LRP12: variants seen among roughly 807,000 people sequenced by gnomAD.
LRP12 encodes low-density lipoprotein receptor-related protein 12.
In LRP12, 14 loss-of-function variants were observed where a neutral mutation model predicts 66.0. That is an observed-to-expected ratio of 0.21 (90% CI 0.14 to 0.33). The LOEUF (loss-of-function observed/expected upper bound fraction) is 0.33, where lower values mean the gene tolerates loss of function less well. LRP12 is among the 10% of genes least tolerant of loss of function. The probability of loss-of-function intolerance (pLI) is 1.00; values close to 1 mark genes in which losing one functional copy is unlikely to be tolerated. For synonymous variants in LRP12, 357 were observed against 359.1 expected (o/e 0.99, Z 0.07); for missense variants, 889 against 1,053.4 (o/e 0.84, Z 2.16).
At chr8:104,545,939 A>T (rs570373620) in intron 1 of LRP12, among the ~76,000 whole-genome samples, 1 of 152,340 alleles carries the variant, frequency 6.6e-6, no homozygotes, top group Non-Finnish European at 1.5e-5. Flanking sequence ...ACACTTCTGC[A>T]AAGTAACTAA....
In LRP12 at chr8:104,588,918, G is replaced by C. The variant is rs746067166; in HGVS notation, c.-21C>G. 6.3e-6 allele frequency: 10 copies of C among 1,579,906 alleles called. No individual in the cohort carries two copies. The highest frequency in any genetic ancestry group is 8.6e-6 in the Non-Finnish European group (10 of 1,159,608). On this transcript the variant is annotated 5_prime_UTR_variant, in exon 1 of 7. Coordinates refer to ENST00000276654, the MANE Select transcript of LRP12 (RefSeq NM_013437.5). ...GCCATAACCACAGCAGATGGAGAGAGAGAGGAGGAGACGGAGGAGGAGGGA... is the reference window on the plus strand; with the variant it reads ...GCCATAACCACAGCAGATGGAGAGACAGAGGAGGAGACGGAGGAGGAGGGA...
At chr8:104,538,890 T>C (rs1228951379) in intron 1 of LRP12, among the ~76,000 whole-genome samples, 1 of 152,204 alleles carries the variant, frequency 6.6e-6, no homozygotes, top group Non-Finnish European at 1.5e-5. Flanking sequence ...AAATAGCTCA[T>C]GTGGCTGACG....
chr8:104,539,527 C>A (rs1264414612), intron 1 of LRP12, among the ~76,000 whole-genome samples: 2 of 151,762 alleles, frequency 1.3e-5, no homozygotes, highest in Non-Finnish European at 1.5e-5. Context: ...GCATATTATA[C>A]AACACACAAA....
intron 1 of LRP12, among the ~76,000 whole-genome samples, chr8:104,549,946 T>C (rs1811702136): frequency 6.6e-6 from 1 of 152,196 alleles, no homozygotes; most frequent in African/African-American, 2.4e-5. Flanking sequence ...CAGGGATCTT[T>C]TGGCATATTA....
At chr8:104,558,302 C>T (rs1204530866) in intron 1 of LRP12, among the ~76,000 whole-genome samples, 1 of 151,704 alleles carries the variant, frequency 6.6e-6, no homozygotes, top group East Asian at 1.9e-4. Flanking sequence ...AAGCCCAACA[C>T]TTACAGTCAA....
intron 2 of LRP12, among the ~76,000 whole-genome samples, chr8:104,530,205 T>A (rs1319930082): frequency 6.6e-6 from 1 of 152,202 alleles, no homozygotes; most frequent in Admixed American, 6.6e-5. Flanking sequence ...TAGTAAATAT[T>A]GGTAGCTGTA....
chr8:104,543,924 A>G (rs1811515861), intron 1 of LRP12, among the ~76,000 whole-genome samples: 2 of 152,146 alleles, frequency 1.3e-5, no homozygotes, highest in Admixed American at 1.3e-4. Context: ...TCCATCTCAA[A>G]ACAAAACAAA....
chr8:104,490,568 C>G lies in LRP12; in HGVS notation c.*105G>C. The stretch of plus-strand genomic sequence containing the variant: ...TAACATATAATAATAAGAAATCACC[C>G]TGCATTTTTTCTTTTTAAACTAAAA... On this transcript the variant is annotated 3_prime_UTR_variant, in exon 7 of 7. Coordinates refer to ENST00000276654, the MANE Select transcript of LRP12 (RefSeq NM_013437.5). 1.5e-6 allele frequency: 2 copies of G among 1,297,772 alleles called. No homozygotes were observed. Among genetic ancestry groups the G allele is most frequent in the Non-Finnish European group, 2.1e-6 (2 of 943,444 alleles). The allele number at this position is 1,297,772 out of a possible 1,614,324, so 80.4% of individuals were successfully genotyped here. A position where few individuals can be genotyped will look rare whatever the true frequency, so the allele number is the denominator to read the frequency against.
rs1329894046 is a variant in LRP12 at position 104,535,918 on chromosome 8, T to C, written c.80-3955A>G. Among the ~76,000 whole-genome samples, 4 of 152,094 alleles carry C rather than the reference T, an allele frequency of 2.6e-5. No homozygotes were observed. In the East Asian group the frequency reaches 7.7e-4, roughly 29 times the overall value. On this transcript the variant is annotated intron_variant, in intron 1 of 6. Coordinates refer to ENST00000276654, the MANE Select transcript of LRP12 (RefSeq NM_013437.5). ...GAATTAAAATCTACCTGCCACAGCA[T>C]TCCAATTTGAAAGAAAAACATTGGT...
chr8:104,516,308 C>T (rs1024360072), intron 2 of LRP12, among the ~76,000 whole-genome samples: 1 of 151,558 alleles, frequency 6.6e-6, no homozygotes, highest in African/African-American at 2.4e-5. Flanking sequence ...CCCACAAAAG[C>T]CTATTTAATT....
At position 104,589,037 on chromosome 8, in the gene LRP12, G is replaced by T. The variant is rs980078349; in HGVS notation, c.-140C>A. ...CTCCCTGCGCTCTCCGCGGCTGCGGGAGGGGGAAGGGAGGGGCCGCCGCCG... is the reference window on the plus strand; with the variant it reads ...CTCCCTGCGCTCTCCGCGGCTGCGGTAGGGGGAAGGGAGGGGCCGCCGCCG... On this transcript the variant is annotated 5_prime_UTR_variant, in exon 1 of 7. Coordinates refer to ENST00000276654, the MANE Select transcript of LRP12 (RefSeq NM_013437.5). 4 of 467,586 alleles carry T rather than the reference G, an allele frequency of 8.6e-6. No individual in the cohort carries two copies. Among genetic ancestry groups the T allele is most frequent in the African/African-American group, 6.2e-5 (3 of 48,522 alleles). 29.0% of individuals were successfully genotyped at this position (467,586 alleles called of 1,614,324 possible).
At chr8:104,521,475 AAAT>A (rs1388666616) in intron 2 of LRP12, among the ~76,000 whole-genome samples, 11 of 151,430 alleles carry the variant, frequency 7.3e-5, no homozygotes, top group African/African-American at 2.2e-4. Context: ...TATAATATAG[AAAT>A]AATAATACCA....
At chr8:104,527,748 G>A (rs989020979) in intron 2 of LRP12, among the ~76,000 whole-genome samples, 17 of 151,956 alleles carry the variant, frequency 1.1e-4, no homozygotes, top group African/African-American at 4.1e-4. Flanking sequence ...CGAGTTAATG[G>A]GTGCAGCACA....
chr8:104,581,784 T>C (rs985070265), intron 1 of LRP12, among the ~76,000 whole-genome samples: 1 of 152,176 alleles, frequency 6.6e-6, no homozygotes, highest in Non-Finnish European at 1.5e-5. Context: ...AGCACAGCAG[T>C]AGACAGACAT....
intron 1 of LRP12, among the ~76,000 whole-genome samples, chr8:104,537,852 T>TA (rs1402775239): frequency 6.6e-6 from 1 of 152,162 alleles, no homozygotes; most frequent in East Asian, 1.9e-4. Flanking sequence ...TTCTGTTCTA[T>TA]AAAGTTCTAG....
intron 3 of LRP12, among the ~76,000 whole-genome samples, chr8:104,501,709 A>C (rs890933305): frequency 2.0e-5 from 3 of 152,138 alleles, no homozygotes; most frequent in African/African-American, 7.2e-5. Flanking sequence ...ACCTCAAAAA[A>C]AAAAAAAAAA....
intron 1 of LRP12, among the ~76,000 whole-genome samples, chr8:104,572,195 TAAAA>T (rs1322141796): frequency 2.0e-5 from 3 of 152,270 alleles, no homozygotes; most frequent in African/African-American, 7.2e-5. Context: ...ATGACATTCT[TAAAA>T]AGACAAAACT....
At chr8:104,555,343 GC>G (rs1811789315) in intron 1 of LRP12, among the ~76,000 whole-genome samples, 1 of 152,074 alleles carries the variant, frequency 6.6e-6, no homozygotes, top group African/African-American at 2.4e-5. Context: ...AAGGTAAATG[GC>G]CTAAATCCTC....
chr8:104,506,770 G>T (rs914778081), intron 3 of LRP12: 1 of 151,936 alleles, frequency 6.6e-6, no homozygotes, highest in Non-Finnish European at 1.5e-5. Flanking sequence ...GATTATAGTG[G>T]GTTCCAAGGG....
Sources: allele counts gnomAD v4.1 joint callset (sites outside exome capture counted in the v4.1 genomes callset), GRCh38; gene constraint gnomAD v4.1.1; transcripts MANE v1.5; gene names NCBI Gene and HGNC (gene_info 2026-07-23, HGNC 2026-07-21).